Variants in RAPGEF5 observed in about 807,000 individuals in gnomAD.
The protein encoded by RAPGEF5 is Rap guanine nucleotide exchange factor 5.
Under a neutral mutation model 125.2 loss-of-function variants are expected in RAPGEF5, and 65 were observed. The observed-to-expected ratio is 0.52, with a 90% CI of 0.43 to 0.64. The LOEUF (loss-of-function observed/expected upper bound fraction) is 0.64. Among genes scored for constraint, RAPGEF5 ranks in the 30% least tolerant of loss-of-function variants. RAPGEF5 has a pLI of 0.00. For missense variants in RAPGEF5, 958 were observed against 1,048.1 expected, an observed-to-expected ratio of 0.91 and a Z score of 1.19; for synonymous variants, 391 against 385.9, an observed-to-expected ratio of 1.01 and a Z score of -0.16.
intron 6 of RAPGEF5, among the ~76,000 whole-genome samples, chr7:22,269,425 C>A (rs1215349404): frequency 6.6e-6 from 1 of 152,102 alleles, no homozygotes; most frequent in Non-Finnish European, 1.5e-5. Context: ...CTTTTCTTCA[C>A]ATTATCCTGG....
intron 11 of RAPGEF5, among the ~76,000 whole-genome samples, chr7:22,174,461 C>G (rs1784444892): frequency 6.6e-6 from 1 of 152,146 alleles, no homozygotes; most frequent in Non-Finnish European, 1.5e-5. Flanking sequence ...ATGTTTAGAG[C>G]CAACTTGCCT....
At chr7:22,225,990 G>A (rs1318613324) in intron 8 of RAPGEF5, among the ~76,000 whole-genome samples, 1 of 152,158 alleles carries the variant, frequency 6.6e-6, no homozygotes, top group African/African-American at 2.4e-5. Flanking sequence ...AGAATGAAGC[G>A]TGGACAAGAT....
At chr7:22,263,166 T>G (rs1359079002) in intron 7 of RAPGEF5, among the ~76,000 whole-genome samples, 1 of 151,910 alleles carries the variant, frequency 6.6e-6, no homozygotes, top group East Asian at 1.9e-4. Context: ...AGAAAAGAGG[T>G]AGTGGAAAGT....
At chr7:22,139,639 A>G (rs1783192644) in intron 21 of RAPGEF5, 1 of 156,824 alleles carries the variant, frequency 6.4e-6, no homozygotes, top group African/African-American at 2.4e-5. Flanking sequence ...AAATTTTACA[A>G]AAATATACAT....
intron 8 of RAPGEF5, among the ~76,000 whole-genome samples, chr7:22,225,036 T>C (rs922088902): frequency 6.6e-6 from 1 of 152,228 alleles, no homozygotes; most frequent in East Asian, 1.9e-4. Context: ...CACACGCTTA[T>C]AATCCCTGTG....
intron 16 of RAPGEF5, among the ~76,000 whole-genome samples, chr7:22,156,209 CTG>C (rs771732015): frequency 6.6e-5 from 10 of 152,208 alleles, no homozygotes; most frequent in Non-Finnish European, 1.2e-4. Context: ...TTTTAATTTG[CTG>C]TGTTTTCCAG....
chr7:22,169,058 T>C (rs1455084078), intron 11 of RAPGEF5, among the ~76,000 whole-genome samples: 1 of 152,214 alleles, frequency 6.6e-6, no homozygotes, highest in African/African-American at 2.4e-5. Flanking sequence ...TAACTTACTA[T>C]TACTCTATGG....
At chr7:22,170,087 T>G (rs1016284980) in intron 11 of RAPGEF5, among the ~76,000 whole-genome samples, 2 of 152,082 alleles carry the variant, frequency 1.3e-5, no homozygotes, top group African/African-American at 4.8e-5. Flanking sequence ...AGAGTAGTTT[T>G]TTTGTTTGTT....
At chr7:22,303,237 A>G (rs1583563548) in intron 5 of RAPGEF5, among the ~76,000 whole-genome samples, 1 of 152,232 alleles carries the variant, frequency 6.6e-6, no homozygotes, top group Admixed American at 6.5e-5. Context: ...TACATTCTGG[A>G]TAACTTGATT....
intron 7 of RAPGEF5, among the ~76,000 whole-genome samples, chr7:22,241,537 T>C (rs896798519): frequency 1.3e-5 from 2 of 152,246 alleles, no homozygotes; most frequent in East Asian, 1.9e-4. Context: ...GCATTATTCC[T>C]ACAATACTTC....
chr7:22,130,261 G>A (rs1782873445), intron 24 of RAPGEF5, among the ~76,000 whole-genome samples: 2 of 152,190 alleles, frequency 1.3e-5, no homozygotes, highest in African/African-American at 2.4e-5. Flanking sequence ...TCTCTTTGGA[G>A]TACTTCTATT....
At chr7:22,125,679 C>T in intron 24 of RAPGEF5, 21 bp from the exon 25 acceptor site, 1 of 1,598,176 alleles carries the variant, frequency 6.3e-7, no homozygotes, top group Non-Finnish European at 8.6e-7. Context: ...GAACAGGAAA[C>T]ACATCAATGG....
intron 12 of RAPGEF5, 126 bp from the exon 13 acceptor site, chr7:22,162,667 T>C (rs964396679): frequency 3.1e-6 from 3 of 963,568 alleles, no homozygotes; most frequent in Admixed American, 2.5e-5. Context: ...GAATAGAATA[T>C]GCGTAGGGAG....
intron 9 of RAPGEF5, chr7:22,194,551 GA>G (rs35849568): frequency 0.13 from 110,341 of 879,382 alleles, 6,242 homozygotes; most frequent in South Asian, 0.2. Context: ...AAGGCGGCAA[GA>G]AAAAAAAAAC....
chr7:22,293,240 T>C (rs1213029530), intron 5 of RAPGEF5, among the ~76,000 whole-genome samples: 1 of 152,196 alleles, frequency 6.6e-6, no homozygotes, highest in Admixed American at 6.5e-5. Flanking sequence ...AAAGTGGCTC[T>C]GTGTGGCAAT....
chr7:22,145,031 A>C lies in RAPGEF5; in HGVS notation c.2186+13T>G, dbSNP rs781473729. On this transcript the variant is annotated intron_variant, in intron 20 of 25. Transcript: ENST00000665637. ...AGACTAGAGGAATGGCACTTCTCACACTAGAAACTTACTGAGCCGCAATTT... is the reference window on the plus strand; with the variant it reads ...AGACTAGAGGAATGGCACTTCTCACCCTAGAAACTTACTGAGCCGCAATTT... 1.6e-5 allele frequency: 26 copies of C among 1,611,218 alleles called. No homozygotes were observed. The African/African-American group carries it at 3.2e-4, about 20-fold the overall frequency.
intron 4 of RAPGEF5, 120 bp from the exon 5 acceptor site, chr7:22,308,627 T>A (rs1783399772): frequency 1.2e-6 from 1 of 804,972 alleles, no homozygotes; most frequent in South Asian, 2.1e-5. Flanking sequence ...AGACTATAAT[T>A]ATACATTCTA....
At chr7:22,323,099 T>C (rs1783748147) in intron 1 of RAPGEF5, among the ~76,000 whole-genome samples, 1 of 152,246 alleles carries the variant, frequency 6.6e-6, no homozygotes, top group Non-Finnish European at 1.5e-5. Flanking sequence ...CACCTGCTCA[T>C]GTTGTATGTG....
chr7:22,193,837 A>G lies in RAPGEF5; in HGVS notation c.1115+78T>C, dbSNP rs1218659298. The G allele has an allele frequency of 1.4e-5, 23 of 1,612,046 alleles. No individual in the cohort carries two copies. The East Asian group carries it at 4.9e-4, about 34-fold the overall frequency. Reference sequence around the variant, plus strand: ...GTAGAGGAGGCAGAGAGCGAGTGAGATGGAGCAAGGGAAGGGAAGGCAGGC... The same window carrying G: ...GTAGAGGAGGCAGAGAGCGAGTGAGGTGGAGCAAGGGAAGGGAAGGCAGGC... On this transcript the variant is annotated intron_variant, in intron 10 of 25. Coordinates refer to ENST00000665637, the MANE Select transcript of RAPGEF5 (RefSeq NM_012294.5).
Sources: allele counts gnomAD v4.1 joint callset (sites outside exome capture counted in the v4.1 genomes callset), GRCh38; gene constraint gnomAD v4.1.1; transcripts MANE v1.5; gene names NCBI Gene and HGNC (gene_info 2026-07-23, HGNC 2026-07-21).